The following CCDC187 variants were observed in gnomAD, a reference collection of about 807,000 sequenced individuals.
CCDC187 encodes coiled-coil domain containing 187.
A neutral mutation model predicts 38.0 loss-of-function variants in CCDC187; 32 were observed. The ratio of observed to expected loss-of-function variants is 0.84; its 90% CI spans 0.64 to 1.13. CCDC187 has a LOEUF of 1.13. CCDC187 is among the 50% of genes most tolerant of loss of function. The pLI, the probability that CCDC187 is intolerant of heterozygous loss-of-function variation, is 0.00. For missense variants in CCDC187, 707 were observed against 786.8 expected (o/e 0.90, Z 1.21); for synonymous variants, 333 against 347.9 (o/e 0.96, Z 0.48).
chr9:136,288,789 C>T (rs1270065295), intron 7 of CCDC187, among the ~76,000 whole-genome samples: 4 of 152,220 alleles, frequency 2.6e-5, no homozygotes, highest in Non-Finnish European at 4.4e-5. Context: ...CAGAAAAGAA[C>T]CTAAAAGTAA....
rs782462892 is a variant in CCDC187 at position 136,254,177 on chromosome 9, G to A, written c.5651C>T (p.Ser1884Leu). Residue 1884 changes from serine (S) to leucine (L), a missense_variant, in exon 26 of 26, where the codon TCG becomes TTG. Coordinates refer to ENST00000638797, the MANE Select transcript of CCDC187 (RefSeq NM_001378188.1). ...CGAAGGAAAGACCAGCAGTGAGTCC[G>A]AGTCACCGGCAGAAGAGATTTGCAG... is the stretch of plus-strand genomic sequence containing the variant. The part of the protein sequence containing the change: ...FPLQISSAGD[S>L]DSLLVFPSWT... The A allele has an allele frequency of 5.0e-5, 49 of 985,364 alleles. No individual in the cohort carries two copies. Among genetic ancestry groups the A allele is most frequent in the South Asian group, 9.4e-5 (2 of 21,294 alleles). The allele number at this position is 985,364 out of a possible 1,614,324, so 61.0% of individuals were successfully genotyped here.
At position 136,303,080 on chromosome 9, in the gene CCDC187, C is replaced by G. The variant is rs1006717069; in HGVS notation, c.357G>C (p.Ser119=). The change falls in exon 2 of 26, where the codon TCG becomes TCC. Residue 119 remains serine, a synonymous_variant. Transcript: ENST00000638797. The stretch of plus-strand genomic sequence containing the variant: ...ACACGTCGTGGCCCCCCGAAGAGCA[C>G]GAGAGGCGGCCCGATGACACCGAGC... The part of the protein sequence containing the change: ...GDSSVSSGRL[S]CSSGGHDVCV... 3 of 398,506 alleles carry G rather than the reference C, an allele frequency of 7.5e-6. No individual in the cohort carries two copies. In the South Asian group the frequency reaches 3.8e-4, roughly 51 times the overall value. The allele number at this position is 398,506 out of a possible 1,614,324, so 24.7% of individuals were successfully genotyped here. A position where few individuals can be genotyped will look rare whatever the true frequency, so the allele number is the denominator to read the frequency against.
At chr9:136,263,072 T>C (rs1254791064) in intron 18 of CCDC187, among the ~76,000 whole-genome samples, 2 of 151,500 alleles carry the variant, frequency 1.3e-5, no homozygotes, top group African/African-American at 4.9e-5. Flanking sequence ...CTGCTTATCC[T>C]CCCCACCCAA....
At chr9:136,268,432 G>C (rs1248689479) in intron 14 of CCDC187, among the ~76,000 whole-genome samples, 1 of 152,122 alleles carries the variant, frequency 6.6e-6, no homozygotes, top group Non-Finnish European at 1.5e-5. Context: ...GGAGGGGAGA[G>C]TGAGGCCCAG....
intron 9 of CCDC187, among the ~76,000 whole-genome samples, chr9:136,284,737 T>G (rs1365603167): frequency 0.39 from 54,950 of 139,560 alleles, 11,200 homozygotes; most frequent in African/African-American, 0.55. Context: ...GTGGAGGGGG[T>G]TTTTTCAGGA....
rs960805598 is a variant in CCDC187, at chr9:136,257,355, A to C, written c.4367-514T>G. ...GCTACTGTACTCCAGCTGGGGAGAG[A>C]GTGAGACTTTGTCTCAAAATTATAA... On this transcript the variant is annotated intron_variant, in intron 22 of 25. Coordinates refer to ENST00000638797, the MANE Select transcript of CCDC187 (RefSeq NM_001378188.1). This position sits in a 1 kb window ranked among gnomAD's most constrained non-coding sequence, Gnocchi z 4.5. 6.6e-6 allele frequency among the ~76,000 whole-genome samples: 1 copy of C among 150,712 alleles called. No individual in the cohort carries two copies. The highest frequency in any genetic ancestry group is 1.5e-5 in the Non-Finnish European group (1 of 67,778).
intron 14 of CCDC187, among the ~76,000 whole-genome samples, chr9:136,269,004 GGA>G (rs1402155931): frequency 1.4e-4 from 21 of 152,300 alleles, no homozygotes; most frequent in Admixed American, 7.8e-4. Context: ...GTGTCAGAGA[GGA>G]GAGAGTCGCA....
chr9:136,293,382 CTCACAT>C (rs1351114646), intron 4 of CCDC187, among the ~76,000 whole-genome samples: 2 of 137,580 alleles, frequency 1.5e-5, no homozygotes, highest in African/African-American at 5.3e-5. Context: ...CACACTCACA[CTCACAT>C]GCTCACACAC....
chr9:136,260,958 G>A lies in CCDC187; in HGVS notation c.4065-694C>T, dbSNP rs550630546. 2.6e-5 allele frequency among the ~76,000 whole-genome samples: 4 copies of A among 152,300 alleles called. No homozygotes were observed. In the East Asian group the frequency reaches 7.7e-4, roughly 29 times the overall value. ...GACAGGGCAGTGCCTCCAGGGCCCGGCACTCAGCCCACAAAGCAGACCAAG... is the reference window on the plus strand; with the variant it reads ...GACAGGGCAGTGCCTCCAGGGCCCGACACTCAGCCCACAAAGCAGACCAAG... On this transcript the variant is annotated intron_variant, in intron 19 of 25. Coordinates refer to ENST00000638797, the MANE Select transcript of CCDC187 (RefSeq NM_001378188.1).
rs1830574386 is a variant in CCDC187, at chr9:136,253,540, C to G, written c.*54G>C. On this transcript the variant is annotated 3_prime_UTR_variant, in exon 26 of 26. Transcript: ENST00000638797. ...CCCCTGCTGCAGAACTGCATCTACC[C>G]AACTGGTCGTCAACGCTTCCACCCG... 1 of 940,746 alleles carries G rather than the reference C, an allele frequency of 1.1e-6. No homozygotes were observed. Among genetic ancestry groups the G allele is most frequent in the Non-Finnish European group, 1.3e-6 (1 of 789,190 alleles). The allele number at this position is 940,746 out of a possible 1,614,324, so 58.3% of individuals were successfully genotyped here.
At chr9:136,263,270 T>C (rs1830701400) in intron 18 of CCDC187, among the ~76,000 whole-genome samples, 1 of 131,840 alleles carries the variant, frequency 7.6e-6, no homozygotes, top group Non-Finnish European at 1.6e-5. Flanking sequence ...GAAGTCTCCC[T>C]GTCGCCCAGG....
chr9:136,303,406 G>A, intron 1 of CCDC187, 113 bp from the exon 2 acceptor site: 2 of 374,782 alleles, frequency 5.3e-6, no homozygotes, highest in Non-Finnish European at 9.5e-6. Flanking sequence ...GACTGGAGGT[G>A]GAAAGGAGGG....
At chr9:136,266,126 G>C in intron 16 of CCDC187, 83 bp from the exon 17 acceptor site, 1 of 807,420 alleles carries the variant, frequency 1.2e-6, no homozygotes, top group Non-Finnish European at 1.5e-6. Flanking sequence ...GCCAGCCCTG[G>C]TCGGCCACAT....
chr9:136,280,391 GGA>G (rs1369876074), intron 10 of CCDC187, among the ~76,000 whole-genome samples: 128 of 152,324 alleles, frequency 8.4e-4, no homozygotes, highest in Admixed American at 1.4e-3. Flanking sequence ...CTGGAGACTG[GGA>G]GAGTCTCCCA....
rs1554759966 is a variant in CCDC187, at chr9:136,254,152, CGAAGGAAAGACCAGCAG to C, written c.5659_5675del (p.Leu1887ValfsTer6). 2.0e-6 allele frequency: 2 copies of C among 985,322 alleles called. No individual in the cohort carries two copies. Among genetic ancestry groups the C allele is most frequent in the Non-Finnish European group, 2.4e-6 (2 of 829,942 alleles). 61.0% of individuals were successfully genotyped at this position (985,322 alleles called of 1,614,324 possible). A position where few individuals can be genotyped will look rare whatever the true frequency, so the allele number is the denominator to read the frequency against. ...CTGCCCCTTCACTCAAAGAGGTCCA[CGAAGGAAAGACCAGCAG>C]TGAGTCCGAGTCACCGGCAGAAGAG... On this transcript the variant is annotated frameshift_variant, in exon 26 of 26. Coordinates refer to ENST00000638797, the MANE Select transcript of CCDC187 (RefSeq NM_001378188.1). LOFTEE classifies it low-confidence loss of function (END_TRUNC).
intron 10 of CCDC187, among the ~76,000 whole-genome samples, chr9:136,278,564 T>C (rs1370940656): frequency 3.3e-5 from 5 of 152,200 alleles, no homozygotes; most frequent in African/African-American, 1.2e-4. Context: ...GCTGTGAGGA[T>C]GCAATGGGAC....
chr9:136,250,715 T>C lies in CCDC187; in HGVS notation c.*2879A>G, dbSNP rs567434269. On this transcript the variant is annotated 3_prime_UTR_variant, in exon 26 of 26. Coordinates refer to ENST00000638797, the MANE Select transcript of CCDC187 (RefSeq NM_001378188.1). ...CTCAGGTGGGCTGGGCAGGAGCTGG[T>C]GCAAAATCAGATGCATGGCCCGAGC... The C allele has an allele frequency of 3.9e-5, 18 of 456,212 alleles. No homozygotes were observed. Among genetic ancestry groups the C allele is most frequent in the South Asian group, 2.3e-4 (15 of 64,562 alleles). 28.3% of individuals were successfully genotyped at this position (456,212 alleles called of 1,614,324 possible).
At chr9:136,285,660 G>A (rs954286202) in intron 8 of CCDC187, 54 bp from the exon 9 acceptor site, 10 of 399,456 alleles carry the variant, frequency 2.5e-5, no homozygotes, top group Admixed American at 1.3e-4. Context: ...AGCACGGGAC[G>A]GGGGACCCAA....
rs73560758 is a variant in CCDC187 at position 136,250,641 on chromosome 9, G to A, written c.*2953C>T. ...CAGCTCAAAGTTTGTTCTGAAATTG[G>A]GAGCATGGAGCAGGAACACATTCCC... On this transcript the variant is annotated 3_prime_UTR_variant, in exon 26 of 26. Coordinates refer to ENST00000638797, the MANE Select transcript of CCDC187 (RefSeq NM_001378188.1). 0.035 allele frequency: 14,537 copies of A among 415,620 alleles called. 1,796 individuals carry two copies. Among genetic ancestry groups the A allele is most frequent in the African/African-American group, 0.27 (13,136 of 48,970 alleles). 25.7% of individuals were successfully genotyped at this position (415,620 alleles called of 1,614,324 possible).
Sources: gnomAD v4.1 joint callset for allele counts (sites outside exome capture counted in the v4.1 genomes callset) on GRCh38, gnomAD v4.1.1 for gene constraint, Gnocchi (gnomAD v3.1) non-coding constraint, MANE v1.5 for transcripts, NCBI Gene and HGNC (gene_info 2026-07-23, HGNC 2026-07-21) for gene names.